VPS41: variants seen among roughly 807,000 people sequenced by gnomAD.
VPS41 encodes vacuolar protein sorting-associated protein 41 homolog.
In VPS41, 85 loss-of-function variants were observed where a neutral mutation model predicts 130.9. That is an observed-to-expected ratio of 0.65 (90% confidence interval 0.55 to 0.78). The LOEUF is 0.78. VPS41 is among the 30% of genes least tolerant of loss of function. The pLI, the probability that VPS41 is intolerant of heterozygous loss-of-function variation, is 0.00. For missense variants in VPS41, 874 were observed against 1,018.7 expected (o/e 0.86, Z 1.93); for synonymous variants, 335 against 332.9 (o/e 1.01, Z -0.07).
chr7:38,759,162 G>A (rs555405845), intron 17 of VPS41, among the ~76,000 whole-genome samples: 1 of 152,236 alleles, frequency 6.6e-6, no homozygotes, highest in Non-Finnish European at 1.5e-5. Flanking sequence ...TATAACTTGT[G>A]ATTGGTATGT....
At chr7:38,894,384 A>C (rs1329704473) in intron 2 of VPS41, among the ~76,000 whole-genome samples, 1 of 151,958 alleles carries the variant, frequency 6.6e-6, no homozygotes, top group Admixed American at 6.6e-5. Context: ...AACTCAGTAG[A>C]ATCAGTAATA....
chr7:38,864,284 A>G (rs1786181101), intron 3 of VPS41, among the ~76,000 whole-genome samples: 1 of 152,236 alleles, frequency 6.6e-6, no homozygotes, highest in Non-Finnish European at 1.5e-5. Flanking sequence ...GGAAGTCAGA[A>G]GTTTTATGTA....
chr7:38,801,635 G>C (rs1235826492), intron 7 of VPS41, among the ~76,000 whole-genome samples: 1 of 151,996 alleles, frequency 6.6e-6, no homozygotes, highest in African/African-American at 2.4e-5. Context: ...ATGTTTTATG[G>C]TCACACTGGT....
At chr7:38,732,811 TTTTA>T in intron 25 of VPS41, among the ~76,000 whole-genome samples, 1 of 152,108 alleles carries the variant, frequency 6.6e-6, no homozygotes, top group Non-Finnish European at 1.5e-5. Flanking sequence ...AGAAGCTGCT[TTTTA>T]TTTAGTTTTA....
intron 21 of VPS41, among the ~76,000 whole-genome samples, chr7:38,752,654 C>G (rs76004029): frequency 3.9e-4 from 60 of 152,258 alleles, no homozygotes; most frequent in African/African-American, 1.4e-3. Flanking sequence ...CACTCAGAAC[C>G]AATGAACTTA....
intron 4 of VPS41, among the ~76,000 whole-genome samples, chr7:38,833,654 T>C (rs1289392731): frequency 6.6e-6 from 1 of 152,222 alleles, no homozygotes; most frequent in Non-Finnish European, 1.5e-5. Flanking sequence ...ATTGCTTTTG[T>C]TTTGTCTCCT....
At chr7:38,798,670 C>T (rs758881069) in intron 7 of VPS41, among the ~76,000 whole-genome samples, 9 of 152,058 alleles carry the variant, frequency 5.9e-5, no homozygotes, top group Non-Finnish European at 4.4e-5. Flanking sequence ...TGGAGGTGAT[C>T]GTCCGAAATG....
chr7:38,859,829 G>C (rs982248026), intron 4 of VPS41, among the ~76,000 whole-genome samples: 1 of 152,182 alleles, frequency 6.6e-6, no homozygotes, highest in Non-Finnish European at 1.5e-5. Context: ...GATTTTATAA[G>C]AATTCTGAAG....
chr7:38,772,150 C>T (rs1562580663), intron 13 of VPS41, among the ~76,000 whole-genome samples: 1 of 152,014 alleles, frequency 6.6e-6, no homozygotes, highest in Non-Finnish European at 1.5e-5. Flanking sequence ...TTCAAACCAT[C>T]CTAAGTGAGT....
chr7:38,727,438 G>A (rs1344621955), intron 27 of VPS41, among the ~76,000 whole-genome samples: 1 of 152,286 alleles, frequency 6.6e-6, no homozygotes, highest in East Asian at 1.9e-4. Context: ...GCATTTTACT[G>A]CACTTGTGCT....
chr7:38,801,636 TCA>T (rs987942832), intron 7 of VPS41, among the ~76,000 whole-genome samples: 1 of 152,222 alleles, frequency 6.6e-6, no homozygotes, highest in African/African-American at 2.4e-5. Context: ...TGTTTTATGG[TCA>T]CACTGGTTTT....
At chr7:38,744,514 T>A (rs1339086349) in intron 23 of VPS41, among the ~76,000 whole-genome samples, 6 of 152,330 alleles carry the variant, frequency 3.9e-5, no homozygotes, top group Non-Finnish European at 4.4e-5. Context: ...TATTTAAAAA[T>A]GTTTACAGGA....
chr7:38,776,833 T>C (rs1226344549), intron 10 of VPS41, 57 bp from the exon 11 acceptor site: 10 of 969,814 alleles, frequency 1.0e-5, no homozygotes, highest in Non-Finnish European at 1.7e-5. Context: ...GCAGCACACA[T>C]CTGGAGGAAC....
At chr7:38,903,665 C>T (rs915096480) in intron 1 of VPS41, among the ~76,000 whole-genome samples, 2 of 152,098 alleles carry the variant, frequency 1.3e-5, no homozygotes, top group African/African-American at 4.8e-5. Flanking sequence ...AAAGAGAGTT[C>T]TGATATAGGC....
chr7:38,751,597 A>G (rs1317645836), intron 22 of VPS41, among the ~76,000 whole-genome samples: 2 of 152,228 alleles, frequency 1.3e-5, no homozygotes, highest in Admixed American at 6.5e-5. Context: ...GGTGGGTACT[A>G]GATTTACCAA....
At chr7:38,858,261 T>C (rs1269521095) in intron 4 of VPS41, among the ~76,000 whole-genome samples, 1 of 152,248 alleles carries the variant, frequency 6.6e-6, no homozygotes, top group East Asian at 1.9e-4. Context: ...CAAAATACTT[T>C]GACTTCTTTC....
intron 3 of VPS41, among the ~76,000 whole-genome samples, chr7:38,866,381 A>C (rs1428746777): frequency 6.6e-6 from 1 of 152,202 alleles, no homozygotes; most frequent in East Asian, 1.9e-4. Flanking sequence ...TCTTTTATTT[A>C]CTCTGTGGAG....
intron 2 of VPS41, among the ~76,000 whole-genome samples, chr7:38,874,439 G>A (rs1786444881): frequency 6.6e-6 from 1 of 152,140 alleles, no homozygotes; most frequent in Admixed American, 6.5e-5. Context: ...CACCACCAGT[G>A]GAGCACTCCT....
chr7:38,881,883 G>T (rs1195237442), intron 2 of VPS41, among the ~76,000 whole-genome samples: 1 of 151,966 alleles, frequency 6.6e-6, no homozygotes, highest in Non-Finnish European at 1.5e-5. Flanking sequence ...TCACGAAAGT[G>T]CCTTGCATAC....
Sources: gnomAD v4.1 joint callset for allele counts (sites outside exome capture counted in the v4.1 genomes callset) on GRCh38, gnomAD v4.1.1 for gene constraint, MANE v1.5 for transcripts, NCBI Gene and HGNC (gene_info 2026-07-23, HGNC 2026-07-21) for gene names.